The following ADGRA2 variants were observed in gnomAD, a reference collection of about 807,000 sequenced individuals.
ADGRA2 encodes the protein G-protein coupled receptor 124.
ADGRA2 carries 61 observed loss-of-function variants against 98.7 expected under a neutral mutation model. That is an observed-to-expected ratio of 0.62 (90% CI 0.50 to 0.76). The LOEUF (loss-of-function observed/expected upper bound fraction) is 0.76. Among genes scored for constraint, ADGRA2 ranks in the 30% least tolerant of loss-of-function variants. ADGRA2 has a pLI of 0.00. For synonymous variants in ADGRA2, 858 were observed against 831.5 expected (o/e 1.03, Z -0.55); for missense variants, 1,712 against 1,860.0 (o/e 0.92, Z 1.46).
At position 37,837,943 on chromosome 8, in the gene ADGRA2, G is replaced by A. The variant is rs542054713; in HGVS notation, c.2259+4G>A. The A allele has an allele frequency of 2.7e-6, 4 of 1,458,566 alleles. No homozygotes were observed. In the African/African-American group the frequency reaches 5.7e-5, roughly 21 times the overall value. 90.4% of individuals were successfully genotyped at this position (1,458,566 alleles called of 1,614,324 possible). A position where few individuals can be genotyped will look rare whatever the true frequency, so the allele number is the denominator to read the frequency against. ...GGGCAATGTGGCCGTGCTCATGGTGGGTGTGAGGAGGGGTGACAAGTCGGG... is the reference window on the plus strand; with the variant it reads ...GGGCAATGTGGCCGTGCTCATGGTGAGTGTGAGGAGGGGTGACAAGTCGGG... On this transcript the variant is annotated splice_donor_region_variant and intron_variant, in intron 14 of 18. Coordinates refer to ENST00000412232, the MANE Select transcript of ADGRA2 (RefSeq NM_032777.10).
chr8:37,838,021 T>A (rs1805671185), intron 14 of ADGRA2, 82 bp downstream of exon 14: 1 of 1,146,908 alleles, frequency 8.7e-7, no homozygotes, highest in Non-Finnish European at 1.2e-6. Context: ...CTCTGACCAT[T>A]TGGGACCATG....
In ADGRA2 at chr8:37,814,258, G is replaced by T. The variant is rs753042217; in HGVS notation, c.267-638G>T. 6.6e-6 allele frequency among the ~76,000 whole-genome samples: 1 copy of T among 152,192 alleles called. No individual in the cohort carries two copies. The highest frequency in any genetic ancestry group is 1.5e-5 in the Non-Finnish European group (1 of 68,028). ...GAATAAATAAACAGAACCCCGAGGC[G>T]CAGAGGCTGAGGCTGAGGCCTGGCT... is the stretch of plus-strand genomic sequence containing the variant. On this transcript the variant is annotated intron_variant, in intron 1 of 18. Coordinates refer to ENST00000412232, the MANE Select transcript of ADGRA2 (RefSeq NM_032777.10). This position sits in a 1 kb window ranked among gnomAD's most constrained non-coding sequence, Gnocchi z 4.3.
intron 1 of ADGRA2, among the ~76,000 whole-genome samples, chr8:37,801,390 A>G (rs1804498762): frequency 6.6e-6 from 1 of 152,122 alleles, no homozygotes; most frequent in Non-Finnish European, 1.5e-5. Flanking sequence ...TCCCCCAGGG[A>G]AAAGGTCCCA....
rs1015798674 is a variant in ADGRA2, at chr8:37,842,621, G to A, written c.*266G>A. On this transcript the variant is annotated 3_prime_UTR_variant, in exon 19 of 19. Transcript: ENST00000412232. ...CCTCCCAGGAACGGGGAAGGCCTCC[G>A]TCTGTGTGAAAGGGCACAGCACATC... 2 of 449,480 alleles carry A rather than the reference G, an allele frequency of 4.4e-6. No individual in the cohort carries two copies. Among genetic ancestry groups the A allele is most frequent in the African/African-American group, 4.1e-5 (2 of 48,872 alleles). 27.8% of individuals were successfully genotyped at this position (449,480 alleles called of 1,614,324 possible). A position where few individuals can be genotyped will look rare whatever the true frequency, so the allele number is the denominator to read the frequency against.
Position 37,841,894 on chromosome 8 carries a change from CG to C in ADGRA2, c.3559del (p.Ala1187ProfsTer116). On this transcript the variant is annotated frameshift_variant, in exon 19 of 19. Coordinates refer to ENST00000412232, the MANE Select transcript of ADGRA2 (RefSeq NM_032777.10). LOFTEE classifies it low-confidence loss of function (END_TRUNC). The surrounding 1 kb of genome is among the most constrained non-coding windows in gnomAD (Gnocchi z 5.0). ...VHHGRRAHKSRAKGHRAGEAC... is the reference protein window; with the variant it reads ...VHHGRRAHKSXAKGHRAGEAC... ...CCACGGGCGTCGGGCGCACAAGAGC[CG>C]GGCCAAGGGACACCGCGCGGGGGAG... is the stretch of plus-strand genomic sequence containing the variant. 1 of 1,534,332 alleles carries C rather than the reference CG, an allele frequency of 6.5e-7. No individual in the cohort carries two copies. The highest frequency in any genetic ancestry group is 8.7e-7 in the Non-Finnish European group (1 of 1,146,854).
rs777637469 is a variant in ADGRA2 at position 37,828,977 on chromosome 8, C to G, written c.410+18C>G. On this transcript the variant is annotated intron_variant, in intron 3 of 18. Transcript: ENST00000412232. ...AAGCGTTTGTGAGTGGCACGCCCTC[C>G]CCTGACCCCACCCCTCCCCTCCCGA... 1 of 1,538,558 alleles carries G rather than the reference C, an allele frequency of 6.5e-7. No homozygotes were observed. The highest frequency in any genetic ancestry group is 1.3e-5 in the South Asian group (1 of 79,864).
Position 37,834,060 on chromosome 8 carries a change from C to T in ADGRA2, c.1540C>T (p.Arg514Cys), listed in dbSNP as rs1334912395. The change falls in exon 11 of 19, where the codon CGC becomes TGC. Residue 514 changes from arginine (R) to cysteine (C), a missense_variant. Arg to Cys is a radical substitution (Grantham distance 180). Transcript: ENST00000412232. The surrounding 1 kb of genome is among the most constrained non-coding windows in gnomAD (Gnocchi z 4.2). ...LAQREDKACS[R>C]IVGALERIGG... ...CCAGCGCGAGGACAAGGCCTGCAGC[C>T]GCATCGTGGGTGCCCTGGAGCGCAT... is the stretch of plus-strand genomic sequence containing the variant. 4.3e-6 allele frequency: 7 copies of T among 1,612,978 alleles called. No homozygotes were observed. Among genetic ancestry groups the T allele is most frequent in the East Asian group, 4.5e-5 (2 of 44,884 alleles).
rs1804934739 is a variant in ADGRA2 at position 37,814,938 on chromosome 8, C to A, written c.309C>A (p.Ser103=). The A allele has an allele frequency of 6.2e-7, 1 of 1,613,050 alleles. No homozygotes were observed. Among genetic ancestry groups the A allele is most frequent in the African/African-American group, 1.3e-5 (1 of 75,034 alleles). The change falls in exon 2 of 19, where the codon TCC becomes TCA. Residue 103 remains serine (S), a synonymous_variant. Coordinates refer to ENST00000412232, the MANE Select transcript of ADGRA2 (RefSeq NM_032777.10). The surrounding 1 kb of genome is among the most constrained non-coding windows in gnomAD (Gnocchi z 4.3). ...NNKITGLRNG[S]FLGLSLLEKL... is the part of the protein sequence containing the mutation. ...AGATCACGGGGCTCCGCAATGGCTC[C>A]TTCCTGGGACTGTCACTGCTGGAGA...
Position 37,830,856 on chromosome 8 carries a change from G to A in ADGRA2, c.865G>A (p.Glu289Lys). Residue 289 changes from glutamate to lysine, a missense_variant, in exon 7 of 19, where the codon GAG becomes AAG. Physicochemically the swap from Glu to Lys is moderately conservative, Grantham distance 56. Coordinates refer to ENST00000412232, the MANE Select transcript of ADGRA2 (RefSeq NM_032777.10). The surrounding 1 kb of genome is among the most constrained non-coding windows in gnomAD (Gnocchi z 4.8). ...CTGGTACCACAACCGAGCCCCTGTGGAGGGTGATGAGCAGGCGGGCATCCT... is the reference window on the plus strand; with the variant it reads ...CTGGTACCACAACCGAGCCCCTGTGAAGGGTGATGAGCAGGCGGGCATCCT... ...IRWYHNRAPV[E>K]GDEQAGILLA... is the part of the protein sequence containing the mutation. The A allele has an allele frequency of 6.3e-7, 1 of 1,594,618 alleles. No individual in the cohort carries two copies. The highest frequency in any genetic ancestry group is 8.5e-7 in the Non-Finnish European group (1 of 1,170,714).
At chr8:37,812,087 A>G (rs9969397) in intron 1 of ADGRA2, among the ~76,000 whole-genome samples, 25,216 of 151,590 alleles carry the variant, frequency 0.17, 4,098 homozygotes, top group African/African-American at 0.42. Flanking sequence ...GGGCCACAGA[A>G]TGAGACTCTC....
In ADGRA2 at chr8:37,840,817, C is replaced by T. The variant is rs147936563; in HGVS notation, c.2715C>T (p.Val905=). 1.6e-4 allele frequency: 252 copies of T among 1,607,946 alleles called. No individual in the cohort carries two copies. The highest frequency in any genetic ancestry group is 2.1e-4 in the Non-Finnish European group (244 of 1,175,280). ...PLIICGITAA[V]NIHNYRDHSP... is the part of the protein sequence containing the mutation. Reference sequence around the variant, plus strand: ...TTATCTGTGGCATCACAGCTGCAGTCAACATCCACAACTACCGGGACCACA... The same window carrying T: ...TTATCTGTGGCATCACAGCTGCAGTTAACATCCACAACTACCGGGACCACA... The change falls in exon 18 of 19, where the codon GTC becomes GTT. Residue 905 remains valine, a synonymous_variant. Transcript: ENST00000412232.
Position 37,829,964 on chromosome 8 carries a change from C to T in ADGRA2, c.668C>T (p.Ala223Val). The change falls in exon 6 of 19, where the codon GCC becomes GTC. Residue 223 changes from alanine (A) to valine (V), a missense_variant. Physicochemically the swap from Ala to Val is moderately conservative, Grantham distance 64. Transcript: ENST00000412232. Reference protein sequence around the residue: ...SEHTLCAYPSALHAQALGSLQ... With the variant: ...SEHTLCAYPSVLHAQALGSLQ... The stretch of plus-strand genomic sequence containing the variant: ...CACACGCTCTGTGCTTACCCCAGTG[C>T]CCTGCATGCTCAGGCCCTGGGCAGC... 1 of 1,607,394 alleles carries T rather than the reference C, an allele frequency of 6.2e-7. No homozygotes were observed. The highest frequency in any genetic ancestry group is 8.5e-7 in the Non-Finnish European group (1 of 1,178,766).
chr8:37,799,059 T>A (rs1460251788), intron 1 of ADGRA2, among the ~76,000 whole-genome samples: 1 of 152,172 alleles, frequency 6.6e-6, no homozygotes, highest in Admixed American at 6.5e-5. Context: ...CGGTAGCGTC[T>A]GCGTGAGTCC....
intron 1 of ADGRA2, among the ~76,000 whole-genome samples, chr8:37,801,083 C>G (rs530595695): frequency 6.6e-6 from 1 of 152,154 alleles, no homozygotes; most frequent in African/African-American, 2.4e-5. Flanking sequence ...TCTGAGAAAG[C>G]CTTCCTGCAG....
At position 37,841,280 on chromosome 8, in the gene ADGRA2, G is replaced by A; in HGVS notation, c.2942G>A (p.Gly981Asp). Residue 981 changes from glycine to aspartate, a missense_variant, in exon 19 of 19, where the codon GGC (glycine) becomes GAC (aspartate). By Grantham distance (94) the Gly-to-Asp change is moderately conservative (BLOSUM62 -1). Transcript: ENST00000412232. The surrounding 1 kb of genome is among the most constrained non-coding windows in gnomAD (Gnocchi z 5.0). ...EELRGSTRLR[G>D]SGPLLSDSGS... Reference sequence around the variant, plus strand: ...CTGAGGGGTTCCACCAGGCTCAGGGGCAGCGGCCCCCTCCTGAGTGACTCA... The same window carrying A: ...CTGAGGGGTTCCACCAGGCTCAGGGACAGCGGCCCCCTCCTGAGTGACTCA... The A allele has an allele frequency of 6.2e-7, 1 of 1,611,618 alleles. No homozygotes were observed. The highest frequency in any genetic ancestry group is 8.5e-7 in the Non-Finnish European group (1 of 1,178,886).
At chr8:37,816,095 T>G (rs1804974081) in intron 2 of ADGRA2, among the ~76,000 whole-genome samples, 1 of 152,168 alleles carries the variant, frequency 6.6e-6, no homozygotes, top group Admixed American at 6.5e-5. Context: ...GCAATTGCAG[T>G]CCAGGGGAGA....
rs1391749637 is a variant in ADGRA2 at position 37,841,531 on chromosome 8, G to C, written c.3193G>C (p.Val1065Leu). The C allele has an allele frequency of 1.2e-6, 2 of 1,612,326 alleles. No homozygotes were observed. The highest frequency in any genetic ancestry group is 2.7e-5 in the African/African-American group (2 of 74,916). The change falls in exon 19 of 19, where the codon GTC becomes CTC. Residue 1065 changes from valine (V) to leucine (L), a missense_variant. By Grantham distance (32) the Val-to-Leu change is conservative (BLOSUM62 1). Transcript: ENST00000412232. This position sits in a 1 kb window ranked among gnomAD's most constrained non-coding sequence, Gnocchi z 5.0. ...GGCAGCCTCCGCCCTGGGCCTCTTC[G>C]TCTTCACTCACCACTGTGCCAGGCG... is the stretch of plus-strand genomic sequence containing the variant. ...GVAASALGLF[V>L]FTHHCARRRD...
intron 2 of ADGRA2, among the ~76,000 whole-genome samples, chr8:37,824,239 C>T (rs912555065): frequency 2.0e-5 from 3 of 152,008 alleles, no homozygotes; most frequent in African/African-American, 4.8e-5. Context: ...CCATGTTAGT[C>T]AGGCTGGTCT....
Position 37,835,404 on chromosome 8 carries a change from C to T in ADGRA2, c.1833+6C>T, listed in dbSNP as rs777440407. 1.8e-5 allele frequency: 29 copies of T among 1,584,174 alleles called. 1 individual carries two copies. The highest frequency in any genetic ancestry group is 3.4e-5 in the South Asian group (3 of 88,566). ...TGTCGTCCTTCCACATCAAGGTGGGCGCTGGGGGAGGGAGAGGGGGTGGGA... is the reference window on the plus strand; with the variant it reads ...TGTCGTCCTTCCACATCAAGGTGGGTGCTGGGGGAGGGAGAGGGGGTGGGA... On this transcript the variant is annotated splice_donor_region_variant and intron_variant, in intron 12 of 18. Transcript: ENST00000412232.
Sources: allele counts gnomAD v4.1 joint callset (sites outside exome capture counted in the v4.1 genomes callset), GRCh38; gene constraint gnomAD v4.1.1; non-coding constraint Gnocchi (gnomAD v3.1); transcripts MANE v1.5; gene names NCBI Gene and HGNC (gene_info 2026-07-23, HGNC 2026-07-21).